Variants in CLVS1 observed in about 807,000 individuals in gnomAD.
The protein encoded by CLVS1 is clavesin-1.
A neutral mutation model predicts 33.1 loss-of-function variants in CLVS1; 10 were observed. The ratio of observed to expected loss-of-function variants is 0.30; its 90% CI spans 0.19 to 0.51. The LOEUF is 0.51. Ranked by LOEUF, CLVS1 falls within the 20% of genes least tolerant of loss-of-function variation. CLVS1 has a pLI of 0.97. For missense variants in CLVS1, 343 were observed against 433.4 expected (o/e 0.79, Z 1.85); for synonymous variants, 163 against 166.1 (o/e 0.98, Z 0.14).
chr8:61,248,124 ATT>A, intron 2 of CLVS1, among the ~76,000 whole-genome samples: 1 of 151,956 alleles, frequency 6.6e-6, no homozygotes, highest in Non-Finnish European at 1.5e-5. Flanking sequence ...TGGACTTTCT[ATT>A]CTGTTAAATT....
intron 1 of CLVS1, among the ~76,000 whole-genome samples, chr8:61,291,847 C>T (rs1036990870): frequency 6.6e-6 from 1 of 152,144 alleles, no homozygotes; most frequent in African/African-American, 2.4e-5. Context: ...CTTTTATGTT[C>T]CTCCTGGACA....
At chr8:61,152,398 A>G (rs544496038) in intron 2 of CLVS1, among the ~76,000 whole-genome samples, 2 of 152,274 alleles carry the variant, frequency 1.3e-5, no homozygotes, top group East Asian at 3.9e-4. Flanking sequence ...ATACCACTGC[A>G]TGGGGAATTC....
chr8:61,262,647 A>G (rs1446391085), intron 2 of CLVS1, among the ~76,000 whole-genome samples: 2 of 152,184 alleles, frequency 1.3e-5, no homozygotes, highest in Non-Finnish European at 2.9e-5. Flanking sequence ...AAAGATAGAG[A>G]TTAGGCATCC....
intron 2 of CLVS1, among the ~76,000 whole-genome samples, chr8:61,191,759 G>C (rs968250278): frequency 2.0e-5 from 3 of 152,240 alleles, no homozygotes; most frequent in East Asian, 1.9e-4. Flanking sequence ...CAAATCATGA[G>C]TGAACTCCCA....
chr8:61,470,552 A>G (rs1817697406), intron 5 of CLVS1, among the ~76,000 whole-genome samples: 1 of 152,248 alleles, frequency 6.6e-6, no homozygotes, highest in Admixed American at 6.5e-5. Context: ...AAGAATGACA[A>G]GGAATATTTA....
At chr8:61,476,252 T>G (rs1817924775) in intron 5 of CLVS1, among the ~76,000 whole-genome samples, 1 of 152,218 alleles carries the variant, frequency 6.6e-6, no homozygotes, top group Admixed American at 6.5e-5. Context: ...CTTTGTTCTT[T>G]TGGCTTAGGA....
intron 3 of CLVS1, among the ~76,000 whole-genome samples, chr8:61,387,800 G>A (rs2129602463): frequency 6.6e-6 from 1 of 152,218 alleles, no homozygotes; most frequent in East Asian, 1.9e-4. Context: ...TGCTGCTAAT[G>A]CCATTAGTTT....
chr8:61,014,019 G>A, the CLVS1 span, among the ~76,000 whole-genome samples: 2 of 151,990 alleles, frequency 1.3e-5, no homozygotes, highest in Non-Finnish European at 1.5e-5. Flanking sequence ...CTCCCAACAC[G>A]GTGCATATCC....
chr8:61,011,598 G>A, the CLVS1 span, among the ~76,000 whole-genome samples: 1 of 152,012 alleles, frequency 6.6e-6, no homozygotes, highest in East Asian at 1.9e-4. Context: ...ACAGGGGCCT[G>A]CCACCACACT....
At chr8:61,144,301 G>A (rs927419639) in intron 2 of CLVS1, among the ~76,000 whole-genome samples, 2 of 152,122 alleles carry the variant, frequency 1.3e-5, no homozygotes, top group Non-Finnish European at 2.9e-5. Flanking sequence ...AACATGCGGT[G>A]TTTGGTTTTC....
intron 2 of CLVS1, among the ~76,000 whole-genome samples, chr8:61,276,209 C>T (rs1809559448): frequency 6.6e-6 from 1 of 152,216 alleles, no homozygotes; most frequent in Admixed American, 6.5e-5. Flanking sequence ...AAAACACTCT[C>T]CTGTCATTCT....
chr8:61,382,841 C>T (rs1813938875), intron 3 of CLVS1, among the ~76,000 whole-genome samples: 1 of 152,024 alleles, frequency 6.6e-6, no homozygotes, highest in African/African-American at 2.4e-5. Flanking sequence ...TTGGCTATGC[C>T]CCTCAAAGAC....
chr8:61,495,507 T>C (rs1047605002), intron 5 of CLVS1, among the ~76,000 whole-genome samples: 1 of 152,140 alleles, frequency 6.6e-6, no homozygotes, highest in African/African-American at 2.4e-5. Flanking sequence ...TTGAAACAGA[T>C]CCAAGACACA....
chr8:61,204,501 G>A lies in CLVS1; in HGVS notation c.-152+72641G>A, dbSNP rs565848300. Among the ~76,000 whole-genome samples the A allele has an allele frequency of 2.1e-3, 327 of 152,268 alleles. 1 individual carries two copies. The highest frequency in any genetic ancestry group is 3.5e-3 in the Non-Finnish European group (238 of 68,018). ...TAAAAATGTACTTAATGCTAAGGACGTTTTAGCATGCCTATAGAACTTGAC... is the reference window on the plus strand; with the variant it reads ...TAAAAATGTACTTAATGCTAAGGACATTTTAGCATGCCTATAGAACTTGAC... On this transcript the variant is annotated intron_variant, in intron 2 of 2. Transcript: ENST00000522621.
intron 2 of CLVS1, among the ~76,000 whole-genome samples, chr8:61,168,970 T>G (rs530821411): frequency 4.6e-5 from 7 of 152,376 alleles, no homozygotes; most frequent in Non-Finnish European, 1.0e-4. Context: ...GACAAGTCTC[T>G]TATTAAATAC....
At chr8:61,212,285 A>G (rs1248874042) in intron 2 of CLVS1, among the ~76,000 whole-genome samples, 1 of 152,172 alleles carries the variant, frequency 6.6e-6, no homozygotes, top group Non-Finnish European at 1.5e-5. Flanking sequence ...GTTCAGAAGG[A>G]AGAGTGCGGA....
At chr8:61,483,456 T>A (rs1450608208) in intron 5 of CLVS1, among the ~76,000 whole-genome samples, 2 of 152,126 alleles carry the variant, frequency 1.3e-5, no homozygotes, top group Non-Finnish European at 2.9e-5. Flanking sequence ...ATTAATAGCC[T>A]ACCAACCAAA....
chr8:61,108,820 G>A (rs1805581580), intron 1 of CLVS1, among the ~76,000 whole-genome samples: 1 of 152,214 alleles, frequency 6.6e-6, no homozygotes, highest in Non-Finnish European at 1.5e-5. Context: ...TACTGAGACA[G>A]ACAGCCCCAC....
intron 2 of CLVS1, among the ~76,000 whole-genome samples, chr8:61,330,656 A>G (rs188389249): frequency 1.3e-3 from 201 of 152,258 alleles, no homozygotes; most frequent in African/African-American, 4.6e-3. Flanking sequence ...TGCTGTACAG[A>G]TGTACATCAC....
Sources: allele counts gnomAD v4.1 joint callset (sites outside exome capture counted in the v4.1 genomes callset), GRCh38; gene constraint gnomAD v4.1.1; transcripts MANE v1.5; gene names NCBI Gene and HGNC (gene_info 2026-07-23, HGNC 2026-07-21).